The following ADAMTS2 variants were observed in gnomAD, a reference collection of about 807,000 sequenced individuals.
ADAMTS2 encodes ADAM metallopeptidase with thrombospondin type 1 motif 2, also known as A disintegrin and metalloproteinase with thrombospondin motifs 2.
In ADAMTS2, 50 loss-of-function variants were observed where a neutral mutation model predicts 123.0. The observed-to-expected ratio is 0.41, with a 90% CI of 0.32 to 0.51. The LOEUF (loss-of-function observed/expected upper bound fraction) is 0.51. Ranked by LOEUF, ADAMTS2 falls within the 20% of genes least tolerant of loss-of-function variation. The pLI, the probability that ADAMTS2 is intolerant of heterozygous loss-of-function variation, is 0.35. For synonymous variants in ADAMTS2, 678 were observed against 695.4 expected (o/e 0.98, Z 0.39); for missense variants, 1,494 against 1,705.2 (o/e 0.88, Z 2.18).
intron 5 of ADAMTS2, among the ~76,000 whole-genome samples, chr5:179,165,375 A>T (rs1763677234): frequency 6.6e-6 from 1 of 152,134 alleles, no homozygotes; most frequent in Non-Finnish European, 1.5e-5. Context: ...GCTTGTTTCC[A>T]CTGAGGAGTC....
In ADAMTS2 at chr5:179,158,871, G is replaced by A. The variant is rs149253571; in HGVS notation, c.984C>T (p.Ser328=). The A allele has an allele frequency of 9.2e-5, 148 of 1,614,076 alleles. No individual in the cohort carries two copies. In the African/African-American group the frequency reaches 1.7e-3, roughly 18 times the overall value. ...IILLSYGKSM[S]LIEIGNPSQS... ...GAGAGGGGTTCCCGATCTCGATGAG[G>A]CTCATGGACTGCAGGGGGATGGAGA... The change falls in exon 6 of 22, where the codon AGC becomes AGT. Residue 328 remains serine, a synonymous_variant. Coordinates refer to ENST00000251582, the MANE Select transcript of ADAMTS2 (RefSeq NM_014244.5). The surrounding 1 kb of genome is among the most constrained non-coding windows in gnomAD (Gnocchi z 5.0).
intron 10 of ADAMTS2, among the ~76,000 whole-genome samples, chr5:179,141,213 C>CTTCTCAGCAAACCAT (rs1047391475): frequency 1.3e-5 from 2 of 152,180 alleles, no homozygotes; most frequent in Middle Eastern, 3.2e-3. Context: ...TTGGCAAACT[C>CTTCTCAGCAAACCAT]TTCTCAGCAA....
At chr5:179,221,597 T>G (rs1765127572) in intron 3 of ADAMTS2, among the ~76,000 whole-genome samples, 1 of 152,130 alleles carries the variant, frequency 6.6e-6, no homozygotes. Flanking sequence ...GGCCTCTTGA[T>G]GCTCCCATGC....
At chr5:179,266,323 G>A (rs1766371159) in intron 3 of ADAMTS2, among the ~76,000 whole-genome samples, 1 of 152,192 alleles carries the variant, frequency 6.6e-6, no homozygotes, top group South Asian at 2.1e-4. Context: ...CTTGAGATGG[G>A]GAAAGTAACC....
Position 179,217,794 on chromosome 5 carries a change from AAGGGGGG to A in ADAMTS2, c.689-10086_689-10080del, listed in dbSNP as rs1283329346. On this transcript the variant is annotated intron_variant, in intron 3 of 21. Transcript: ENST00000251582. The stretch of plus-strand genomic sequence containing the variant: ...GGGCACACTCACTAGGGGATGGCGC[AAGGGGGG>A]GATGGGCACACTCACTAGGGGATGG... Among the ~76,000 whole-genome samples, 37 of 91,262 alleles carry A rather than the reference AAGGGGGG, an allele frequency of 4.1e-4. 2 individuals carry two copies. The highest frequency in any genetic ancestry group is 1.1e-3 in the African/African-American group (29 of 26,200). 59.9% of individuals were successfully genotyped at this position (91,262 alleles called of 152,430 possible).
At chr5:179,328,309 G>A (rs1757367675) in intron 2 of ADAMTS2, among the ~76,000 whole-genome samples, 1 of 152,270 alleles carries the variant, frequency 6.6e-6, no homozygotes, top group East Asian at 1.9e-4. Context: ...TGGGATTGCA[G>A]GCGTGAGCCA....
chr5:179,190,247 T>C (rs1298370891), intron 4 of ADAMTS2, among the ~76,000 whole-genome samples: 2 of 152,142 alleles, frequency 1.3e-5, no homozygotes, highest in South Asian at 2.1e-4. Flanking sequence ...AGATAATGGG[T>C]GATGCTTCTC....
chr5:179,219,396 C>T (rs1448534876), intron 3 of ADAMTS2, among the ~76,000 whole-genome samples: 2 of 152,238 alleles, frequency 1.3e-5, no homozygotes, highest in African/African-American at 4.8e-5. Flanking sequence ...AACACAGACA[C>T]AGCCAAATGT....
At chr5:179,124,732 G>A (rs1339958922) in intron 19 of ADAMTS2, among the ~76,000 whole-genome samples, 1 of 152,228 alleles carries the variant, frequency 6.6e-6, no homozygotes, top group African/African-American at 2.4e-5. Context: ...CAGTTTGGGA[G>A]CTGAGGACAC....
At chr5:179,171,108 T>A (rs1215422118) in intron 5 of ADAMTS2, among the ~76,000 whole-genome samples, 1 of 152,202 alleles carries the variant, frequency 6.6e-6, no homozygotes. Context: ...TCGGTTTTTG[T>A]CACATTTGCT....
At chr5:179,114,448 GC>G in intron 21 of ADAMTS2, 124 bp from the exon 22 acceptor site, 2 of 957,378 alleles carry the variant, frequency 2.1e-6, no homozygotes, top group Non-Finnish European at 3.2e-6. Context: ...AGGCAAGTGA[GC>G]CCAGGCAGAA....
At position 179,314,582 on chromosome 5, in the gene ADAMTS2, A is replaced by G. The variant is rs1756930290; in HGVS notation, c.534+29185T>C. On this transcript the variant is annotated intron_variant, in intron 2 of 21. Coordinates refer to ENST00000251582, the MANE Select transcript of ADAMTS2 (RefSeq NM_014244.5). The surrounding 1 kb of genome is among the most constrained non-coding windows in gnomAD (Gnocchi z 4.5). Reference sequence around the variant, plus strand: ...GGCCGTGTCTCTCTCTCACGGGCCCACATCCTCACTGGACTGTCTCCCTTT... The same window carrying G: ...GGCCGTGTCTCTCTCTCACGGGCCCGCATCCTCACTGGACTGTCTCCCTTT... Among the ~76,000 whole-genome samples the G allele has an allele frequency of 6.6e-6, 1 of 152,148 alleles. No individual in the cohort carries two copies. The highest frequency in any genetic ancestry group is 1.9e-4 in the East Asian group (1 of 5,186).
intron 2 of ADAMTS2, among the ~76,000 whole-genome samples, chr5:179,275,350 G>A (rs1284654114): frequency 2.0e-5 from 3 of 152,022 alleles, no homozygotes; most frequent in South Asian, 2.1e-4. Context: ...GGGTAGAGCC[G>A]GCTGAGATGG....
chr5:179,168,399 G>C (rs1050371933), intron 5 of ADAMTS2, among the ~76,000 whole-genome samples: 8 of 152,218 alleles, frequency 5.3e-5, no homozygotes, highest in African/African-American at 1.9e-4. Context: ...CCAGAGCAGA[G>C]TGGCTCCACC....
chr5:179,245,864 A>G (rs1194953155), intron 3 of ADAMTS2, among the ~76,000 whole-genome samples: 1 of 151,584 alleles, frequency 6.6e-6, no homozygotes, highest in Admixed American at 6.6e-5. Context: ...GCTCACAGGA[A>G]TTAAGTTAAT....
At chr5:179,306,739 T>A (rs1259084943) in intron 2 of ADAMTS2, among the ~76,000 whole-genome samples, 1 of 152,170 alleles carries the variant, frequency 6.6e-6, no homozygotes. Flanking sequence ...GGGGCCCTCC[T>A]GCTCCAGCCT....
intron 2 of ADAMTS2, among the ~76,000 whole-genome samples, chr5:179,322,335 C>G (rs1211432979): frequency 6.6e-6 from 1 of 152,164 alleles, no homozygotes; most frequent in Non-Finnish European, 1.5e-5. Context: ...AATCAGTCCT[C>G]ACGGGGCCAT....
chr5:179,255,497 G>A (rs944216402), intron 3 of ADAMTS2, among the ~76,000 whole-genome samples: 1 of 152,202 alleles, frequency 6.6e-6, no homozygotes, highest in African/African-American at 2.4e-5. Context: ...CTTTGTGCCT[G>A]TGAGCAGACT....
intron 2 of ADAMTS2, among the ~76,000 whole-genome samples, chr5:179,323,285 C>T (rs1757234409): frequency 6.6e-6 from 1 of 152,256 alleles, no homozygotes; most frequent in Admixed American, 6.5e-5. Flanking sequence ...GAAGGAAAGA[C>T]AATGGGGCCC....
Sources: allele counts gnomAD v4.1 joint callset (sites outside exome capture counted in the v4.1 genomes callset), GRCh38; gene constraint gnomAD v4.1.1; non-coding constraint Gnocchi (gnomAD v3.1); transcripts MANE v1.5; gene names NCBI Gene and HGNC (gene_info 2026-07-23, HGNC 2026-07-21).